The following MFSD8 variants were observed in gnomAD, a reference collection of about 807,000 sequenced individuals.
The protein encoded by MFSD8 is major facilitator superfamily domain-containing protein 8.
A neutral mutation model predicts 66.4 loss-of-function variants in MFSD8; 55 were observed. That is an observed-to-expected ratio of 0.83 (90% CI 0.67 to 1.04). The LOEUF is 1.04. Ranked by LOEUF, MFSD8 falls within the 50% of genes least tolerant of loss-of-function variation. The pLI is 0.00. For missense variants in MFSD8, 550 were observed against 627.6 expected (o/e 0.88, Z 1.32); for synonymous variants, 202 against 212.8 (o/e 0.95, Z 0.44).
At chr4:127,933,397 C>T in intron 7 of MFSD8, 2 of 250,266 alleles carry the variant, frequency 8.0e-6, no homozygotes, top group South Asian at 1.1e-4. Context: ...AGATGTACTA[C>T]CACGCCCAGC....
intron 2 of MFSD8, 76 bp from the exon 3 acceptor site, chr4:127,949,923 G>A: frequency 1.5e-6 from 2 of 1,320,424 alleles, no homozygotes; most frequent in South Asian, 2.8e-5. Context: ...TCTGAACCGT[G>A]GCATGGATTT....
chr4:127,920,712 A>G lies in MFSD8; in HGVS notation c.1475T>C (p.Ile492Thr), dbSNP rs183448311. The change falls in exon 12 of 12, where the codon ATA (isoleucine) becomes ACA (threonine). Residue 492 changes from isoleucine to threonine, a missense_variant. Physicochemically the swap from Ile to Thr is moderately conservative, Grantham distance 89. Transcript: ENST00000641686. The stretch of plus-strand genomic sequence containing the variant: ...TCCCAGGAGGGTGATGGTGAGCACT[A>G]TTATTCCACACACCAGGCTGAATGC... The part of the protein sequence containing the change: ...RWAFSLVCGI[I>T]VLTITLLGVV... The G allele has an allele frequency of 3.2e-5, 51 of 1,614,082 alleles. No individual in the cohort carries two copies. The highest frequency in any genetic ancestry group is 1.3e-4 in the Admixed American group (8 of 60,018).
intron 1 of MFSD8, among the ~76,000 whole-genome samples, chr4:127,961,581 G>A (rs1455612756): frequency 2.0e-5 from 3 of 152,056 alleles, no homozygotes; most frequent in African/African-American, 7.2e-5. Flanking sequence ...TTGGGAGGCC[G>A]AGGCGGGCGG....
intron 4 of MFSD8, 139 bp from the exon 5 acceptor site, chr4:127,942,297 G>C: frequency 1.5e-6 from 1 of 684,122 alleles, no homozygotes; most frequent in Non-Finnish European, 2.6e-6. Context: ...ATCACACAAA[G>C]CATGTAAGGT....
intron 5 of MFSD8, 33 bp downstream of exon 5, chr4:127,942,012 A>C: frequency 6.5e-7 from 1 of 1,534,042 alleles, no homozygotes; most frequent in Non-Finnish European, 9.0e-7. Context: ...TTCCCAATTC[A>C]AATTCAAGTA....
At chr4:127,938,748 T>C in intron 7 of MFSD8, 35 bp downstream of exon 7, 1 of 1,537,102 alleles carries the variant, frequency 6.5e-7, no homozygotes, top group Non-Finnish European at 9.0e-7. Context: ...ACTTTGATAA[T>C]GTTATATTAA....
At chr4:127,938,878 T>C in intron 6 of MFSD8, 40 bp from the exon 7 acceptor site, 1 of 1,478,304 alleles carries the variant, frequency 6.8e-7, no homozygotes, top group South Asian at 1.2e-5. Flanking sequence ...TATAAAATGC[T>C]TAATAGAGAA....
At chr4:127,926,112 C>A (rs193113825) in intron 9 of MFSD8, among the ~76,000 whole-genome samples, 1 of 151,754 alleles carries the variant, frequency 6.6e-6, no homozygotes, top group Non-Finnish European at 1.5e-5. Flanking sequence ...GGAGGGATAG[C>A]ATTAGGAGAA....
chr4:127,921,533 T>C lies in MFSD8; in HGVS notation c.1341A>G (p.Pro447=). The change falls in exon 11 of 12, where the codon CCA becomes CCG. Residue 447 remains proline (P), a synonymous_variant. Transcript: ENST00000641686. ...AGGGTACCTGGCTTACCTGAGGTTT[T>C]GGTCCTAGAATTTTTGAATATAGAG... ...SYTLYSKILG[P]KPQGVYMGWL... The C allele has an allele frequency of 6.2e-7, 1 of 1,614,238 alleles. No homozygotes were observed. The highest frequency in any genetic ancestry group is 8.5e-7 in the Non-Finnish European group (1 of 1,180,042).
intron 9 of MFSD8, 80 bp downstream of exon 9, chr4:127,930,603 G>A: frequency 6.9e-7 from 1 of 1,459,414 alleles, no homozygotes; most frequent in Non-Finnish European, 9.5e-7. Context: ...TATTTTCCTG[G>A]TATATCCATT....
intron 2 of MFSD8, among the ~76,000 whole-genome samples, chr4:127,950,893 CA>C (rs112484711): frequency 6.3e-5 from 9 of 142,486 alleles, no homozygotes; most frequent in Admixed American, 1.4e-4. Flanking sequence ...CCCCTCTCTG[CA>C]AAAAAAAAAT....
intron 1 of MFSD8, chr4:127,964,708 GCTC>G (rs765274444): frequency 1.8e-5 from 7 of 378,402 alleles, no homozygotes; most frequent in Non-Finnish European, 3.5e-5. Flanking sequence ...GGGCTGAAGG[GCTC>G]CTCAAGTGCC....
rs888864870 is a variant in MFSD8 at position 127,921,168 on chromosome 4, T to C, written c.1351-332A>G. 4 of 560,604 alleles carry C rather than the reference T, an allele frequency of 7.1e-6. No individual in the cohort carries two copies. The African/African-American group carries it at 7.5e-5, about 11-fold the overall frequency. 34.7% of individuals were successfully genotyped at this position (560,604 alleles called of 1,614,324 possible). ...GGTGCTTTAAATACATCATTTGTAA[T>C]GTTCACAAGTTTCGATGACAGGTGT... is the stretch of plus-strand genomic sequence containing the variant. On this transcript the variant is annotated intron_variant, in intron 11 of 11. Coordinates refer to ENST00000641686, the MANE Select transcript of MFSD8 (RefSeq NM_001371596.2).
At chr4:127,932,603 G>C (rs1030909904) in intron 8 of MFSD8, 1 of 155,102 alleles carries the variant, frequency 6.4e-6, no homozygotes, top group Non-Finnish European at 1.4e-5. Context: ...TTCAAGGTCA[G>C]GTATTAAATT....
At position 127,922,124 on chromosome 4, in the gene MFSD8, T is replaced by G. The variant is rs938909767; in HGVS notation, c.999-161A>C. On this transcript the variant is annotated intron_variant, in intron 9 of 11. Coordinates refer to ENST00000641686, the MANE Select transcript of MFSD8 (RefSeq NM_001371596.2). ...ATTTTCCACTAAAAATAACCAGGACTCCTCTGAAAAATGGCTGACTTAAGG... is the reference window on the plus strand; with the variant it reads ...ATTTTCCACTAAAAATAACCAGGACGCCTCTGAAAAATGGCTGACTTAAGG... 1.0e-5 allele frequency: 8 copies of G among 795,146 alleles called. No homozygotes were observed. The East Asian group carries it at 2.1e-4, about 21-fold the overall frequency. The allele number at this position is 795,146 out of a possible 1,614,324, so 49.3% of individuals were successfully genotyped here. A position where few individuals can be genotyped will look rare whatever the true frequency, so the allele number is the denominator to read the frequency against.
chr4:127,951,838 C>T (rs979108289), intron 2 of MFSD8, among the ~76,000 whole-genome samples: 8 of 150,238 alleles, frequency 5.3e-5, no homozygotes, highest in Admixed American at 6.6e-5. Context: ...AAGCAATTCT[C>T]ACACCTCAGT....
rs1261975648 is a variant in MFSD8 at position 127,918,478 on chromosome 4, AC to A, written c.*2151del. 6.6e-6 allele frequency: 1 copy of A among 152,180 alleles called. No homozygotes were observed. The highest frequency in any genetic ancestry group is 1.5e-5 in the Non-Finnish European group (1 of 68,020). 9.4% of individuals were successfully genotyped at this position (152,180 alleles called of 1,614,324 possible). A position where few individuals can be genotyped will look rare whatever the true frequency, so the allele number is the denominator to read the frequency against. ...ATTATAAACCTTTGAAAGCTGGGAA[AC>A]TTTTTTCTGTTATATTCTTGCTGGA... On this transcript the variant is annotated 3_prime_UTR_variant, in exon 12 of 12. Coordinates refer to ENST00000641686, the MANE Select transcript of MFSD8 (RefSeq NM_001371596.2).
intron 9 of MFSD8, among the ~76,000 whole-genome samples, chr4:127,924,436 T>C (rs534153882): frequency 1.3e-5 from 2 of 152,244 alleles, no homozygotes; most frequent in African/African-American, 4.8e-5. Context: ...AGCATTCCTA[T>C]ACACCAATAA....
chr4:127,941,988 A>T, intron 5 of MFSD8, 57 bp downstream of exon 5: 1 of 1,314,450 alleles, frequency 7.6e-7, no homozygotes, highest in Non-Finnish European at 1.1e-6. Flanking sequence ...CTGAATATTT[A>T]AGCCTCAAAA....
Sources: gnomAD v4.1 joint callset for allele counts (sites outside exome capture counted in the v4.1 genomes callset) on GRCh38, gnomAD v4.1.1 for gene constraint, MANE v1.5 for transcripts, NCBI Gene and HGNC (gene_info 2026-07-23, HGNC 2026-07-21) for gene names.